UFL1: variants seen among roughly 807,000 people sequenced by gnomAD.
The protein encoded by UFL1 is UFM1 specific ligase 1, also known as E3 UFM1-protein ligase 1.
UFL1 carries 78 observed loss-of-function variants against 99.3 expected under a neutral mutation model. The observed-to-expected ratio is 0.79, with a 90% CI of 0.65 to 0.95. UFL1 has a LOEUF of 0.95. UFL1 is among the 40% of genes least tolerant of loss of function. The pLI is 0.00. For synonymous variants in UFL1, 335 were observed against 322.2 expected (o/e 1.04, Z -0.42); for missense variants, 936 against 937.0 (o/e 1.00, Z 0.01).
At chr6:96,525,530 G>A (rs1582436564) in intron 4 of UFL1, 136 bp downstream of exon 4, 1 of 704,998 alleles carries the variant, frequency 1.4e-6, no homozygotes, top group East Asian at 2.8e-5. Flanking sequence ...TTCATGATAA[G>A]GTTTATTTCA....
At chr6:96,525,048 T>A (rs914083578) in intron 3 of UFL1, among the ~76,000 whole-genome samples, 1 of 151,910 alleles carries the variant, frequency 6.6e-6, no homozygotes, top group African/African-American at 2.4e-5. Flanking sequence ...ATTCAAAATT[T>A]AAGAATAAGC....
At chr6:96,539,469 C>A (rs1329555067) in intron 10 of UFL1, among the ~76,000 whole-genome samples, 1 of 151,394 alleles carries the variant, frequency 6.6e-6, no homozygotes. Context: ...TTATACTTAG[C>A]TGTTCTCCTT....
chr6:96,548,760 A>G (rs1290121910), intron 13 of UFL1, among the ~76,000 whole-genome samples: 1 of 151,742 alleles, frequency 6.6e-6, no homozygotes, highest in Non-Finnish European at 1.5e-5. Flanking sequence ...GTATTTTTAT[A>G]TAAAAATGAA....
intron 15 of UFL1, among the ~76,000 whole-genome samples, chr6:96,550,615 T>G (rs1770064649): frequency 6.6e-6 from 1 of 151,974 alleles, no homozygotes; most frequent in African/African-American, 2.4e-5. Context: ...GGACCATCCC[T>G]CAAACAGAGG....
At chr6:96,534,176 TAAATTC>T in intron 6 of UFL1, 81 bp from the exon 7 acceptor site, 1 of 877,912 alleles carries the variant, frequency 1.1e-6, no homozygotes, top group Non-Finnish European at 1.6e-6. Flanking sequence ...GTATTTTTCT[TAAATTC>T]TAATTATCCT....
At chr6:96,534,678 T>A (rs1279199872) in intron 7 of UFL1, among the ~76,000 whole-genome samples, 3 of 151,986 alleles carry the variant, frequency 2.0e-5, no homozygotes, top group Non-Finnish European at 4.4e-5. Flanking sequence ...AATATGAAAG[T>A]AAATTGTGTT....
At chr6:96,546,275 C>CA (rs201825366) in intron 12 of UFL1, among the ~76,000 whole-genome samples, 18,989 of 107,344 alleles carry the variant, frequency 0.18, 1,193 homozygotes, top group East Asian at 0.3. Context: ...TTAATAGCTA[C>CA]AAAAAAAAAA....
intron 10 of UFL1, 131 bp downstream of exon 10, chr6:96,538,941 A>G (rs1218534959): frequency 3.9e-6 from 3 of 777,228 alleles, no homozygotes; most frequent in Non-Finnish European, 5.5e-6. Flanking sequence ...TTAATGTATC[A>G]TTCGTTTTTA....
chr6:96,522,017 G>A, intron 1 of UFL1, 67 bp downstream of exon 1: 2 of 1,529,174 alleles, frequency 1.3e-6, no homozygotes, highest in Non-Finnish European at 1.8e-6. Flanking sequence ...CTGTATCTGG[G>A]ACTTTAGACC....
intron 6 of UFL1, among the ~76,000 whole-genome samples, chr6:96,531,769 A>T (rs1562252073): frequency 6.6e-6 from 1 of 152,148 alleles, no homozygotes; most frequent in Non-Finnish European, 1.5e-5. Context: ...GGTAATTTTC[A>T]TCAAAATCAG....
chr6:96,540,407 C>G (rs1769914231), intron 10 of UFL1, 128 bp from the exon 11 acceptor site: 2 of 1,225,468 alleles, frequency 1.6e-6, no homozygotes, highest in African/African-American at 3.2e-5. Context: ...AGTGACAGCT[C>G]TGAAACAAAG....
chr6:96,549,111 A>C (rs1180271105), intron 13 of UFL1, among the ~76,000 whole-genome samples: 1 of 151,748 alleles, frequency 6.6e-6, no homozygotes, highest in Non-Finnish European at 1.5e-5. Flanking sequence ...ACAGATTTAT[A>C]GTCTACTAGT....
chr6:96,542,294 A>G (rs1300268927), intron 11 of UFL1, among the ~76,000 whole-genome samples: 3 of 151,332 alleles, frequency 2.0e-5, no homozygotes, highest in Non-Finnish European at 4.4e-5. Flanking sequence ...TTCATGGTCA[A>G]CATTTATGAA....
In UFL1 at chr6:96,537,458, T is replaced by G. The variant is rs1463829488; in HGVS notation, c.887T>G (p.Leu296Trp). The change falls in exon 9 of 19, where the codon TTG becomes TGG. Residue 296 changes from leucine to tryptophan, a missense_variant. Transcript: ENST00000369278. ...TATAAGACTACACAACTCTTGTTTT[T>G]GAAAGCAGCTTGTGTTGGTCAAGGA... is the stretch of plus-strand genomic sequence containing the variant. ...KRYKTTQLLF[L>W]KAACVGQGLV... 3.7e-6 allele frequency: 6 copies of G among 1,610,656 alleles called. No homozygotes were observed. The East Asian group carries it at 9.0e-5, about 24-fold the overall frequency.
intron 11 of UFL1, among the ~76,000 whole-genome samples, chr6:96,542,221 T>A (rs1769940281): frequency 1.3e-5 from 2 of 151,322 alleles, no homozygotes; most frequent in Admixed American, 1.3e-4. Flanking sequence ...ATTTGTTTCA[T>A]AATTTGTTTT....
chr6:96,523,352 A>T (rs1489255185), intron 2 of UFL1, 61 bp downstream of exon 2: 2 of 1,472,182 alleles, frequency 1.4e-6, no homozygotes, highest in African/African-American at 2.9e-5. Context: ...AAACAAACAA[A>T]CAAAACCCGT....
chr6:96,552,341 C>G, intron 17 of UFL1, 141 bp from the exon 18 acceptor site: 1 of 848,384 alleles, frequency 1.2e-6, no homozygotes, highest in Non-Finnish European at 1.7e-6. Context: ...GTGTGTATAT[C>G]CCATATTGAA....
intron 4 of UFL1, among the ~76,000 whole-genome samples, chr6:96,525,866 A>G (rs1257031758): frequency 6.6e-6 from 1 of 152,026 alleles, no homozygotes; most frequent in Non-Finnish European, 1.5e-5. Flanking sequence ...TCCACTTAAA[A>G]AAATCCCAGC....
At chr6:96,526,221 TG>T in intron 4 of UFL1, 99 bp from the exon 5 acceptor site, 5 of 882,478 alleles carry the variant, frequency 5.7e-6, no homozygotes, top group Non-Finnish European at 8.8e-6. Flanking sequence ...TCATTACTTT[TG>T]GGGCATACTT....
Sources: gnomAD v4.1 joint callset for allele counts (sites outside exome capture counted in the v4.1 genomes callset) on GRCh38, gnomAD v4.1.1 for gene constraint, MANE v1.5 for transcripts, NCBI Gene and HGNC (gene_info 2026-07-23, HGNC 2026-07-21) for gene names.